PLXDC1: variants seen among roughly 807,000 people sequenced by gnomAD.
PLXDC1 encodes plexin domain containing 1, also known as plexin domain-containing protein 1.
PLXDC1 carries 39 observed loss-of-function variants against 61.3 expected under a neutral mutation model. The ratio of observed to expected loss-of-function variants is 0.64; its 90% confidence interval spans 0.49 to 0.83. The LOEUF (loss-of-function observed/expected upper bound fraction) is 0.83. Ranked by LOEUF, PLXDC1 falls within the 40% of genes least tolerant of loss-of-function variation. The pLI is 0.00. For synonymous variants in PLXDC1, 212 were observed against 254.5 expected, an observed-to-expected ratio of 0.83 and a Z score of 1.59; for missense variants, 596 against 666.5, an observed-to-expected ratio of 0.89 and a Z score of 1.17.
intron 7 of PLXDC1, among the ~76,000 whole-genome samples, chr17:39,093,391 C>T (rs983401165): frequency 6.6e-6 from 1 of 152,120 alleles, no homozygotes; most frequent in Non-Finnish European, 1.5e-5. Context: ...TACAATTTAC[C>T]GAGCCCAGTT....
intron 2 of PLXDC1, among the ~76,000 whole-genome samples, chr17:39,132,428 T>C (rs1279933165): frequency 2.0e-5 from 3 of 151,996 alleles, no homozygotes; most frequent in African/African-American, 7.3e-5. Flanking sequence ...TTGGTCTTGG[T>C]GGAAAATCTC....
intron 8 of PLXDC1, among the ~76,000 whole-genome samples, chr17:39,086,811 G>A (rs1473784953): frequency 7.9e-6 from 1 of 126,128 alleles, no homozygotes; most frequent in African/African-American, 3.0e-5. Context: ...GCAGTGAGCC[G>A]AGATCACACC....
intron 1 of PLXDC1, among the ~76,000 whole-genome samples, chr17:39,147,857 T>C (rs940288301): frequency 6.6e-6 from 1 of 152,156 alleles, no homozygotes; most frequent in African/African-American, 2.4e-5. Flanking sequence ...ACACAAGCCC[T>C]GTACCCAGGA....
intron 7 of PLXDC1, chr17:39,097,046 C>A: frequency 2.1e-6 from 1 of 470,442 alleles, no homozygotes; most frequent in South Asian, 1.5e-5. Context: ...CCCTCTCCCC[C>A]AGGAGTGAGG....
chr17:39,139,556 G>T (rs1911862669), intron 2 of PLXDC1, 98 bp downstream of exon 2: 1 of 1,182,638 alleles, frequency 8.5e-7, no homozygotes, highest in African/African-American at 1.5e-5. Context: ...AACCCCAAAT[G>T]ATATGTGATT....
chr17:39,098,526 A>G (rs4328475), intron 7 of PLXDC1, among the ~76,000 whole-genome samples: 41,971 of 151,986 alleles, frequency 0.28, 6,060 homozygotes, highest in Admixed American at 0.42. Flanking sequence ...GGCCATAGAG[A>G]GCCCCCAAGG....
intron 1 of PLXDC1, among the ~76,000 whole-genome samples, chr17:39,150,851 G>A (rs1320783994): frequency 6.6e-6 from 1 of 152,216 alleles, no homozygotes; most frequent in East Asian, 1.9e-4. Context: ...GAAGGTGACC[G>A]AATGGCTGCT....
At chr17:39,106,642 CTTTTTCTTTCT>C (rs1197807081) in intron 6 of PLXDC1, among the ~76,000 whole-genome samples, 1 of 134,618 alleles carries the variant, frequency 7.4e-6, no homozygotes, top group East Asian at 2.1e-4. Flanking sequence ...TTTCTTTTTT[CTTTTTCTTTCT>C]TTTTTTTTTT....
chr17:39,065,572 G>A lies in PLXDC1; in HGVS notation c.*2268C>T, dbSNP rs796235979. 2.0e-5 allele frequency: 3 copies of A among 151,746 alleles called. No homozygotes were observed. Among genetic ancestry groups the A allele is most frequent in the African/African-American group, 7.3e-5 (3 of 41,364 alleles). 9.4% of individuals were successfully genotyped at this position (151,746 alleles called of 1,614,324 possible). Reference sequence around the variant, plus strand: ...GCACCCCACCACACCTGGCATTTTTGTTGTTGTTGCCCAAGCTGGTCTCAA... The same window carrying A: ...GCACCCCACCACACCTGGCATTTTTATTGTTGTTGCCCAAGCTGGTCTCAA... On this transcript the variant is annotated 3_prime_UTR_variant, in exon 14 of 14. Transcript: ENST00000315392.
At chr17:39,131,281 G>A (rs1238040440) in intron 2 of PLXDC1, among the ~76,000 whole-genome samples, 1 of 152,142 alleles carries the variant, frequency 6.6e-6, no homozygotes, top group East Asian at 1.9e-4. Context: ...CACAGCACTG[G>A]AGACGACATC....
Position 39,105,947 on chromosome 17 carries a change from T to A in PLXDC1, c.718A>T (p.Met240Leu), listed in dbSNP as rs374289252. ...GAGGAGCTGATTTCCGGGACAGACA[T>A]AGGGATCTGCGGCAGGGAGAAGAGA... ...RIVFAYKEIP[M>L]SVPEISSSQH... The change falls in exon 7 of 14, where the codon ATG (methionine) becomes TTG (leucine). Residue 240 changes from methionine to leucine, a missense_variant. Coordinates refer to ENST00000315392, the MANE Select transcript of PLXDC1 (RefSeq NM_020405.5). The A allele has an allele frequency of 6.2e-7, 1 of 1,612,408 alleles. No individual in the cohort carries two copies.
At chr17:39,117,573 CAA>C (rs61199530) in intron 2 of PLXDC1, among the ~76,000 whole-genome samples, 91 of 148,158 alleles carry the variant, frequency 6.1e-4, no homozygotes, top group African/African-American at 2.1e-3. Flanking sequence ...CCCAAGTCTA[CAA>C]AAAAAAAAAT....
rs149364485 is a variant in PLXDC1 at position 39,141,259 on chromosome 17, C to T, written c.77-1427G>A. 6.0e-3 allele frequency among the ~76,000 whole-genome samples: 919 copies of T among 152,280 alleles called. 14 individuals are homozygous for T. Among genetic ancestry groups the T allele is most frequent in the African/African-American group, 0.021 (866 of 41,544 alleles). On this transcript the variant is annotated intron_variant, in intron 1 of 13. Coordinates refer to ENST00000315392, the MANE Select transcript of PLXDC1 (RefSeq NM_020405.5). ...TGTTCAGGGTGGTTGGTCTTGAATT[C>T]CTGGTCTCAAGCAATTTTCCTGCCT...
chr17:39,143,317 A>G (rs566480185), intron 1 of PLXDC1, among the ~76,000 whole-genome samples: 8 of 152,224 alleles, frequency 5.3e-5, no homozygotes, highest in Non-Finnish European at 8.8e-5. Context: ...CTTCCATTTC[A>G]GGCCCACCCT....
chr17:39,118,071 TCC>T (rs1911036989), intron 2 of PLXDC1, among the ~76,000 whole-genome samples: 1 of 74,754 alleles, frequency 1.3e-5, no homozygotes, highest in African/African-American at 5.2e-5. Flanking sequence ...CTTCCCTCCC[TCC>T]CTCCCTCCCT....
chr17:39,110,768 A>C (rs879446180), intron 2 of PLXDC1, among the ~76,000 whole-genome samples: 47 of 152,066 alleles, frequency 3.1e-4, no homozygotes, highest in Non-Finnish European at 6.0e-4. Context: ...GGGTTCCTGC[A>C]CTCCTCACCT....
intron 9 of PLXDC1, chr17:39,081,510 C>G (rs942169065): frequency 6.5e-6 from 1 of 153,492 alleles, no homozygotes; most frequent in Non-Finnish European, 1.4e-5. Flanking sequence ...GCCTGTAGTC[C>G]CAGCTACTCG....
At chr17:39,112,457 C>CT (rs11448360) in intron 2 of PLXDC1, among the ~76,000 whole-genome samples, 60,071 of 120,992 alleles carry the variant, frequency 0.5, 15,974 homozygotes, top group Admixed American at 0.58. Flanking sequence ...TTTTTTCTTT[C>CT]TTTTTTTTTT....
chr17:39,128,232 T>A (rs1911417155), intron 2 of PLXDC1, among the ~76,000 whole-genome samples: 1 of 150,090 alleles, frequency 6.7e-6, no homozygotes, highest in Non-Finnish European at 1.5e-5. Flanking sequence ...TATATATTTT[T>A]TTGAGACAGA....
Sources: gnomAD v4.1 joint callset for allele counts (sites outside exome capture counted in the v4.1 genomes callset) on GRCh38, gnomAD v4.1.1 for gene constraint, MANE v1.5 for transcripts, NCBI Gene and HGNC (gene_info 2026-07-23, HGNC 2026-07-21) for gene names.